Variants in IARS2 observed in about 807,000 individuals in gnomAD.
IARS2 encodes isoleucine--tRNA ligase, mitochondrial.
IARS2 carries 56 observed loss-of-function variants against 126.3 expected under a neutral mutation model. The observed-to-expected ratio is 0.44, with a 90% CI of 0.36 to 0.55. The LOEUF (loss-of-function observed/expected upper bound fraction) is 0.55. Ranked by LOEUF, IARS2 falls within the 20% of genes least tolerant of loss-of-function variation. The pLI, the probability that IARS2 is intolerant of heterozygous loss-of-function variation, is 0.00. For synonymous variants in IARS2, 407 were observed against 441.1 expected (o/e 0.92, Z 0.97); for missense variants, 1,127 against 1,245.9 (o/e 0.90, Z 1.44).
rs748087139 is a variant in IARS2 at position 220,094,198 on chromosome 1, T to G, written c.-19T>G. On this transcript the variant is annotated 5_prime_UTR_variant, in exon 1 of 23. Coordinates refer to ENST00000366922, the MANE Select transcript of IARS2 (RefSeq NM_018060.4). ...CTGGGGCGGGAGCGGAGGACCCCGCTCTCAGGGGTTGCCGGACCATGCGTT... is the reference window on the plus strand; with the variant it reads ...CTGGGGCGGGAGCGGAGGACCCCGCGCTCAGGGGTTGCCGGACCATGCGTT... 1.9e-6 allele frequency: 3 copies of G among 1,540,828 alleles called. No homozygotes were observed. Among genetic ancestry groups the G allele is most frequent in the Non-Finnish European group, 2.6e-6 (3 of 1,147,598 alleles).
chr1:220,115,588 A>G (rs2102825967), intron 12 of IARS2, among the ~76,000 whole-genome samples: 1 of 152,210 alleles, frequency 6.6e-6, no homozygotes, highest in East Asian at 1.9e-4. Context: ...AAATTCATTT[A>G]TTATAAGTGA....
rs761421249 is a variant in IARS2 at position 220,136,939 on chromosome 1, T to C, written c.2049+28T>C. 44 of 1,446,076 alleles carry C rather than the reference T, an allele frequency of 3.0e-5. 1 individual carries two copies. The South Asian group carries it at 3.9e-4, about 13-fold the overall frequency. The allele number at this position is 1,446,076 out of a possible 1,614,324, so 89.6% of individuals were successfully genotyped here. A position where few individuals can be genotyped will look rare whatever the true frequency, so the allele number is the denominator to read the frequency against. ...AGGTGATTCTCTAAAATGTATTTTA[T>C]TTTCGTTTTAAGGATCTTAAATTGG... On this transcript the variant is annotated intron_variant, in intron 16 of 22. Transcript: ENST00000366922.
At position 220,143,024 on chromosome 1, in the gene IARS2, A is replaced by G. The variant is rs768624636; in HGVS notation, c.2641A>G (p.Ser881Gly). 38 of 1,614,008 alleles carry G rather than the reference A, an allele frequency of 2.4e-5. No individual in the cohort carries two copies. The highest frequency in any genetic ancestry group is 3.1e-5 in the Non-Finnish European group (36 of 1,180,016). ...GCCCGGGTTGGAAGAAGCTGTGGAG[A>G]GTGCGTGTGCAATGCGAGACTCATT... ...KKPGLEEAVESACAMRDSFLG... is the reference protein window; with the variant it reads ...KKPGLEEAVEGACAMRDSFLG... The change falls in exon 21 of 23, where the codon AGT becomes GGT. Residue 881 changes from serine to glycine, a missense_variant. Transcript: ENST00000366922.
intron 21 of IARS2, among the ~76,000 whole-genome samples, chr1:220,144,819 T>C (rs1157838217): frequency 6.6e-6 from 1 of 152,236 alleles, no homozygotes; most frequent in African/African-American, 2.4e-5. Context: ...TATCCATTAC[T>C]AATTGCATAA....
chr1:220,120,774 A>G (rs1258234175), intron 12 of IARS2, among the ~76,000 whole-genome samples: 1 of 152,210 alleles, frequency 6.6e-6, no homozygotes, highest in African/African-American at 2.4e-5. Flanking sequence ...GCTAATTAAC[A>G]TGTATTTGTT....
intron 2 of IARS2, among the ~76,000 whole-genome samples, chr1:220,098,102 T>C (rs1367994981): frequency 6.6e-6 from 1 of 152,058 alleles, no homozygotes; most frequent in African/African-American, 2.4e-5. Context: ...TTAGCCAGGA[T>C]GGTCTCCATC....
intron 13 of IARS2, among the ~76,000 whole-genome samples, chr1:220,125,947 A>C (rs1558127374): frequency 6.6e-6 from 1 of 151,662 alleles, no homozygotes; most frequent in East Asian, 1.9e-4. Context: ...TCTACTAAAA[A>C]TACAAAAAAA....
In IARS2 at chr1:220,111,598, ATG is replaced by A. The variant is rs34903707; in HGVS notation, c.1479+687_1479+688del. The stretch of plus-strand genomic sequence containing the variant: ...TGGGTATATATATATATATATATAT[ATG>A]TGTGTGTGTGTGTGTGTGTGTGTGT... On this transcript the variant is annotated intron_variant, in intron 11 of 22. Transcript: ENST00000366922. Among the ~76,000 whole-genome samples the A allele has an allele frequency of 8.8e-3, 1,191 of 134,758 alleles. 10 individuals carry two copies. The highest frequency in any genetic ancestry group is 0.023 in the African/African-American group (853 of 36,430). 88.4% of individuals were successfully genotyped at this position (134,758 alleles called of 152,430 possible). A position where few individuals can be genotyped will look rare whatever the true frequency, so the allele number is the denominator to read the frequency against.
intron 19 of IARS2, 109 bp from the exon 20 acceptor site, chr1:220,141,694 G>A: frequency 9.6e-7 from 1 of 1,039,002 alleles, no homozygotes; most frequent in Non-Finnish European, 1.4e-6. Context: ...AAGATGATTA[G>A]AGCCATAGGA....
intron 12 of IARS2, among the ~76,000 whole-genome samples, chr1:220,119,271 G>T (rs1003012789): frequency 1.3e-5 from 2 of 152,038 alleles, no homozygotes; most frequent in African/African-American, 2.4e-5. Flanking sequence ...TTGAGATAAG[G>T]CCTTTGAGTA....
chr1:220,144,342 G>A, intron 21 of IARS2: 1 of 724,770 alleles, frequency 1.4e-6, no homozygotes, highest in South Asian at 1.5e-5. Flanking sequence ...GGACATTCAT[G>A]CGCACCATTG....
At chr1:220,137,781 A>G (rs1657408531) in intron 16 of IARS2, 137 bp from the exon 17 acceptor site, 9 of 849,374 alleles carry the variant, frequency 1.1e-5, no homozygotes, top group South Asian at 9.7e-5. Flanking sequence ...GTTAGCCCGC[A>G]TTTCATTACA....
intron 14 of IARS2, among the ~76,000 whole-genome samples, chr1:220,132,621 G>A (rs1457382208): frequency 3.3e-5 from 5 of 151,152 alleles, no homozygotes; most frequent in Non-Finnish European, 7.4e-5. Flanking sequence ...CACCTCCCAG[G>A]TTCAAGCAGT....
chr1:220,145,527 A>G lies in IARS2; in HGVS notation c.2770A>G (p.Thr924Ala). 2 of 1,611,816 alleles carry G rather than the reference A, an allele frequency of 1.2e-6. No individual in the cohort carries two copies. The highest frequency in any genetic ancestry group is 1.7e-6 in the Non-Finnish European group (2 of 1,178,624). ...CTTCCAGATGCTGCAGTCTGAAGAG[A>G]CTTCCAGCACCTCTCAGTTGAATGA... ...EIIEMLQSEE[T>A]SSTSQLNELM... is the part of the protein sequence containing the mutation. Residue 924 changes from threonine (T) to alanine (A), a missense_variant, in exon 22 of 23, where the codon ACT (threonine) becomes GCT (alanine). Coordinates refer to ENST00000366922, the MANE Select transcript of IARS2 (RefSeq NM_018060.4).
intron 12 of IARS2, among the ~76,000 whole-genome samples, chr1:220,117,094 G>A (rs569099328): frequency 7.4e-5 from 11 of 148,624 alleles, no homozygotes; most frequent in Non-Finnish European, 1.3e-4. Flanking sequence ...TACCTGAGAC[G>A]AGTTTCCACA....
chr1:220,140,909 G>T (rs143218357), intron 19 of IARS2, among the ~76,000 whole-genome samples: 1 of 151,128 alleles, frequency 6.6e-6, no homozygotes, highest in Admixed American at 6.6e-5. Context: ...GCGTGAACCC[G>T]GGAGGCAGAG....
At chr1:220,130,462 CTG>C (rs1288003692) in intron 14 of IARS2, among the ~76,000 whole-genome samples, 3 of 152,290 alleles carry the variant, frequency 2.0e-5, no homozygotes, top group African/African-American at 7.2e-5. Context: ...AGGATTTCTC[CTG>C]TGTTTTCCTC....
intron 17 of IARS2, among the ~76,000 whole-genome samples, chr1:220,138,644 T>C (rs192305492): frequency 3.2e-3 from 484 of 152,070 alleles, no homozygotes; most frequent in Non-Finnish European, 4.4e-3. Context: ...TCAATAACCT[T>C]TCACATTTTT....
intron 19 of IARS2, among the ~76,000 whole-genome samples, 188 bp from the exon 20 acceptor site, chr1:220,141,615 G>A (rs1657494152): frequency 1.3e-5 from 2 of 152,230 alleles, no homozygotes; most frequent in Admixed American, 6.5e-5. Flanking sequence ...AGCCATGAGT[G>A]CTTTCAAGGA....
Sources: allele counts gnomAD v4.1 joint callset (sites outside exome capture counted in the v4.1 genomes callset), GRCh38; gene constraint gnomAD v4.1.1; transcripts MANE v1.5; gene names NCBI Gene and HGNC (gene_info 2026-07-23, HGNC 2026-07-21).